Variants in MTREX observed in about 807,000 individuals in gnomAD.
MTREX encodes Mtr4 exosome RNA helicase.
A neutral mutation model predicts 135.4 loss-of-function variants in MTREX; 76 were observed. That is an observed-to-expected ratio of 0.56 (90% CI 0.47 to 0.68). The LOEUF (loss-of-function observed/expected upper bound fraction) is 0.68, where lower values mean the gene tolerates loss of function less well. MTREX is among the 30% of genes least tolerant of loss of function. The pLI is 0.00. For missense variants in MTREX, 920 were observed against 1,262.1 expected (o/e 0.73, Z 4.11); for synonymous variants, 404 against 401.6 (o/e 1.01, Z -0.07).
At chr5:55,312,350 G>A (rs1352016800) in intron 1 of MTREX, among the ~76,000 whole-genome samples, 3 of 151,840 alleles carry the variant, frequency 2.0e-5, no homozygotes, top group South Asian at 2.1e-4. Context: ...GTATGATTAT[G>A]TTTCGTTTCT....
At chr5:55,415,928 G>C in intron 24 of MTREX, 42 bp from the exon 25 acceptor site, 1 of 1,392,400 alleles carries the variant, frequency 7.2e-7, no homozygotes. Context: ...AAGTGATATG[G>C]GAGATCATAA....
chr5:55,419,461 T>C (rs949890472), intron 25 of MTREX, among the ~76,000 whole-genome samples: 3 of 152,232 alleles, frequency 2.0e-5, no homozygotes, highest in Non-Finnish European at 4.4e-5. Flanking sequence ...TGTGATTCAG[T>C]TGAGAAATTT....
rs1750057248 is a variant in MTREX at position 55,364,077 on chromosome 5, G to A, written c.1660-2648G>A. Among the ~76,000 whole-genome samples, 6 of 152,150 alleles carry A rather than the reference G, an allele frequency of 3.9e-5. No individual in the cohort carries two copies. The South Asian group carries it at 1.0e-3, about 26-fold the overall frequency. The stretch of plus-strand genomic sequence containing the variant: ...GGCTTTATGGAGGAATGTAGGTGGG[G>A]CAAGCTCCAAAGGAATGGAATCAGA... On this transcript the variant is annotated intron_variant, in intron 15 of 26. Coordinates refer to ENST00000230640, the MANE Select transcript of MTREX (RefSeq NM_015360.5).
intron 14 of MTREX, 36 bp downstream of exon 14, chr5:55,353,305 G>A (rs1290989366): frequency 7.1e-7 from 1 of 1,417,832 alleles, no homozygotes; most frequent in African/African-American, 1.4e-5. Context: ...AATAATTTTT[G>A]TCTTTGTTAT....
chr5:55,309,050 A>T (rs1184733163), intron 1 of MTREX, among the ~76,000 whole-genome samples: 1 of 152,212 alleles, frequency 6.6e-6, no homozygotes, highest in African/African-American at 2.4e-5. Flanking sequence ...TAAGTGTTAT[A>T]AAAGTTCAAG....
chr5:55,353,066 TTAAC>T (rs1316755678), intron 13 of MTREX, 98 bp from the exon 14 acceptor site: 13 of 603,002 alleles, frequency 2.2e-5, no homozygotes, highest in East Asian at 3.3e-5. Flanking sequence ...TAGGATCTCA[TTAAC>T]TAATTTTAAA....
At chr5:55,391,704 C>T (rs1404332059) in intron 19 of MTREX, among the ~76,000 whole-genome samples, 1 of 152,144 alleles carries the variant, frequency 6.6e-6, no homozygotes, top group East Asian at 1.9e-4. Flanking sequence ...TTCTACTGAT[C>T]CCAAATTTTT....
intron 12 of MTREX, 53 bp from the exon 13 acceptor site, chr5:55,350,866 T>C: frequency 7.2e-7 from 1 of 1,379,634 alleles, no homozygotes; most frequent in Non-Finnish European, 1.0e-6. Flanking sequence ...TTTAACATTT[T>C]AAAAATCCTT....
At chr5:55,322,658 A>G (rs574554247) in intron 2 of MTREX, among the ~76,000 whole-genome samples, 194 bp downstream of exon 2, 7 of 152,358 alleles carry the variant, frequency 4.6e-5, no homozygotes, top group Middle Eastern at 3.4e-3. Flanking sequence ...CAATATGGAA[A>G]ATACTCATCT....
At chr5:55,352,920 G>A (rs936043279) in intron 13 of MTREX, among the ~76,000 whole-genome samples, 4 of 152,082 alleles carry the variant, frequency 2.6e-5, no homozygotes, top group African/African-American at 9.7e-5. Flanking sequence ...TCTCTAGTTG[G>A]CACTGTTAGA....
intron 1 of MTREX, among the ~76,000 whole-genome samples, chr5:55,318,125 T>C (rs1749228769): frequency 6.6e-6 from 1 of 152,168 alleles, no homozygotes; most frequent in African/African-American, 2.4e-5. Flanking sequence ...AAATAGCAGA[T>C]GCTGTCAAGG....
At chr5:55,396,309 G>C (rs1750644617) in intron 19 of MTREX, among the ~76,000 whole-genome samples, 1 of 152,114 alleles carries the variant, frequency 6.6e-6, no homozygotes, top group Non-Finnish European at 1.5e-5. Flanking sequence ...AATGTATAAA[G>C]GTCATTAGTG....
intron 5 of MTREX, among the ~76,000 whole-genome samples, chr5:55,337,490 G>A (rs1409513846): frequency 1.3e-5 from 2 of 151,948 alleles, no homozygotes; most frequent in African/African-American, 4.8e-5. Context: ...TTTAATGTAA[G>A]TGTTTATATA....
intron 5 of MTREX, among the ~76,000 whole-genome samples, chr5:55,332,621 A>C (rs1749495211): frequency 6.6e-6 from 1 of 152,216 alleles, no homozygotes; most frequent in African/African-American, 2.4e-5. Context: ...TCCCATGGCA[A>C]GAAAGGGAGA....
chr5:55,425,110 G>T lies in MTREX; in HGVS notation c.*338G>T, dbSNP rs537081151. 3.4e-6 allele frequency: 5 copies of T among 1,459,254 alleles called. No individual in the cohort carries two copies. The highest frequency in any genetic ancestry group is 4.6e-6 in the Non-Finnish European group (5 of 1,081,176). The allele number at this position is 1,459,254 out of a possible 1,614,324, so 90.4% of individuals were successfully genotyped here. A position where few individuals can be genotyped will look rare whatever the true frequency, so the allele number is the denominator to read the frequency against. ...ATAGCAGCAGCAGAAGTCTTTAAAGGCTTGTACACCAGGAAGAAAGATGCA... is the reference window on the plus strand; with the variant it reads ...ATAGCAGCAGCAGAAGTCTTTAAAGTCTTGTACACCAGGAAGAAAGATGCA... On this transcript the variant is annotated 3_prime_UTR_variant, in exon 27 of 27. Coordinates refer to ENST00000230640, the MANE Select transcript of MTREX (RefSeq NM_015360.5).
chr5:55,343,306 C>G, intron 7 of MTREX, 25 bp from the exon 8 acceptor site: 1 of 1,586,872 alleles, frequency 6.3e-7, no homozygotes, highest in Non-Finnish European at 8.6e-7. Flanking sequence ...AACTATAGTC[C>G]AAAGTATATA....
intron 16 of MTREX, among the ~76,000 whole-genome samples, chr5:55,376,622 A>G (rs987690508): frequency 6.6e-6 from 1 of 152,232 alleles, no homozygotes; most frequent in Non-Finnish European, 1.5e-5. Flanking sequence ...CTAGTTCTAT[A>G]CCTGTATAAC....
intron 25 of MTREX, among the ~76,000 whole-genome samples, chr5:55,419,782 T>C (rs1751025431): frequency 6.6e-6 from 1 of 152,192 alleles, no homozygotes; most frequent in Non-Finnish European, 1.5e-5. Flanking sequence ...GCCATATGCT[T>C]TTTATTTTTT....
intron 6 of MTREX, among the ~76,000 whole-genome samples, chr5:55,341,457 T>C (rs896245489): frequency 6.6e-5 from 10 of 152,186 alleles, no homozygotes; most frequent in African/African-American, 2.4e-4. Context: ...ACTTTGCTTT[T>C]TATGAGAAAA....
Sources: allele counts gnomAD v4.1 joint callset (sites outside exome capture counted in the v4.1 genomes callset), GRCh38; gene constraint gnomAD v4.1.1; transcripts MANE v1.5; gene names NCBI Gene and HGNC (gene_info 2026-07-23, HGNC 2026-07-21).